DTNB: variants seen among roughly 807,000 people sequenced by gnomAD.
DTNB encodes the protein DTN-B.
In DTNB, 63 loss-of-function variants were observed where a neutral mutation model predicts 90.7. The ratio of observed to expected loss-of-function variants is 0.69; its 90% CI spans 0.57 to 0.86. DTNB has a LOEUF of 0.86. DTNB is among the 40% of genes least tolerant of loss of function. The probability of loss-of-function intolerance (pLI) is 0.00; values close to 1 mark genes in which losing one functional copy is unlikely to be tolerated. For missense variants in DTNB, 744 were observed against 807.1 expected (o/e 0.92, Z 0.95); for synonymous variants, 277 against 286.7 (o/e 0.97, Z 0.34).
intron 1 of DTNB, among the ~76,000 whole-genome samples, chr2:25,671,485 G>A (rs776414119): frequency 7.2e-5 from 11 of 152,196 alleles, no homozygotes; most frequent in Non-Finnish European, 1.0e-4. Context: ...CCTGAAACAG[G>A]AGAAATAAAT....
At chr2:25,643,925 C>A (rs1159663846) in intron 2 of DTNB, among the ~76,000 whole-genome samples, 1 of 152,126 alleles carries the variant, frequency 6.6e-6, no homozygotes. Flanking sequence ...AAACGGGTTG[C>A]AGTAAAGAAG....
intron 1 of DTNB, among the ~76,000 whole-genome samples, chr2:25,662,435 A>C (rs1171604330): frequency 5.3e-5 from 8 of 152,164 alleles, no homozygotes; most frequent in Non-Finnish European, 1.2e-4. Flanking sequence ...CATAAAAAAT[A>C]ATATTATTTC....
intron 16 of DTNB, among the ~76,000 whole-genome samples, chr2:25,402,179 G>A (rs1251033239): frequency 2.6e-5 from 4 of 152,234 alleles, no homozygotes; most frequent in South Asian, 2.1e-4. Context: ...GACGTGAAAC[G>A]AGGGAGAGGT....
At chr2:25,618,392 G>C (rs2071413448) in intron 4 of DTNB, among the ~76,000 whole-genome samples, 1 of 152,090 alleles carries the variant, frequency 6.6e-6, no homozygotes, top group African/African-American at 2.4e-5. Flanking sequence ...GTATACACTG[G>C]TCAAGTTGAA....
intron 7 of DTNB, among the ~76,000 whole-genome samples, chr2:25,578,671 T>A (rs1387327892): frequency 6.6e-6 from 1 of 152,182 alleles, no homozygotes; most frequent in East Asian, 1.9e-4. Flanking sequence ...GGGTCAATTA[T>A]AAATAAGAAA....
intron 9 of DTNB, among the ~76,000 whole-genome samples, chr2:25,515,763 G>A (rs2074982674): frequency 6.6e-6 from 1 of 151,968 alleles, no homozygotes; most frequent in Non-Finnish European, 1.5e-5. Context: ...TTTTAGTAGA[G>A]ATGGGGTTTC....
chr2:25,534,156 CG>C (rs1177974000), intron 8 of DTNB, among the ~76,000 whole-genome samples: 2 of 152,120 alleles, frequency 1.3e-5, no homozygotes, highest in African/African-American at 4.8e-5. Context: ...CTTTGGCCTT[CG>C]GCCCTGTTTG....
intron 9 of DTNB, among the ~76,000 whole-genome samples, chr2:25,531,136 A>G (rs537986): frequency 0.28 from 42,119 of 152,088 alleles, 6,441 homozygotes; most frequent in East Asian, 0.51. Context: ...CATTACTGCT[A>G]TAGAGAAAAA....
In DTNB at chr2:25,424,637, G is replaced by A. The variant is rs1382035046; in HGVS notation, c.1554+2898C>T. On this transcript the variant is annotated intron_variant, in intron 15 of 20. Coordinates refer to ENST00000406818, the MANE Select transcript of DTNB (RefSeq NM_021907.5). The surrounding 1 kb of genome is among the most constrained non-coding windows in gnomAD (Gnocchi z 4.1). Reference sequence around the variant, plus strand: ...TTGAGAACATCTTTCTGAAAAGGGAGATGTGACACAGGGAAGAGGTGAGTG... The same window carrying A: ...TTGAGAACATCTTTCTGAAAAGGGAAATGTGACACAGGGAAGAGGTGAGTG... Among the ~76,000 whole-genome samples, 1 of 151,974 alleles carries A rather than the reference G, an allele frequency of 6.6e-6. No homozygotes were observed. Among genetic ancestry groups the A allele is most frequent in the African/African-American group, 2.4e-5 (1 of 41,366 alleles).
At chr2:25,568,502 A>G (rs1295840139) in intron 8 of DTNB, among the ~76,000 whole-genome samples, 1 of 152,182 alleles carries the variant, frequency 6.6e-6, no homozygotes, top group Admixed American at 6.5e-5. Context: ...ACAATTATAT[A>G]CCCAAAATAC....
chr2:25,466,948 T>A (rs2061895414), intron 10 of DTNB, among the ~76,000 whole-genome samples: 1 of 152,202 alleles, frequency 6.6e-6, no homozygotes, highest in Non-Finnish European at 1.5e-5. Flanking sequence ...AAGAGTTCCG[T>A]CAAAGTGATC....
At chr2:25,443,412 C>T (rs764488697) in intron 12 of DTNB, among the ~76,000 whole-genome samples, 16 of 152,150 alleles carry the variant, frequency 1.1e-4, no homozygotes, top group Non-Finnish European at 1.9e-4. Context: ...AAATAAGACC[C>T]CTTTGAGTCA....
intron 2 of DTNB, among the ~76,000 whole-genome samples, chr2:25,644,919 C>T (rs1559367252): frequency 6.6e-6 from 1 of 152,042 alleles, no homozygotes; most frequent in Non-Finnish European, 1.5e-5. Context: ...ACAAATACAA[C>T]CAAGACCACT....
intron 9 of DTNB, among the ~76,000 whole-genome samples, chr2:25,484,818 A>T (rs2065795983): frequency 6.6e-6 from 1 of 152,198 alleles, no homozygotes. Context: ...CTTCAGACAG[A>T]TATCCAATTA....
chr2:25,669,633 G>T (rs1028666081), intron 1 of DTNB, among the ~76,000 whole-genome samples: 1 of 152,162 alleles, frequency 6.6e-6, no homozygotes. Context: ...TGAAGAATCA[G>T]CATCTAAAGG....
chr2:25,637,057 A>C (rs2077268192), intron 3 of DTNB, among the ~76,000 whole-genome samples: 3 of 152,146 alleles, frequency 2.0e-5, no homozygotes, highest in Admixed American at 1.3e-4. Flanking sequence ...AATAGCACAC[A>C]TCTACAACCA....
At chr2:25,545,165 C>T (rs1289206769) in intron 8 of DTNB, among the ~76,000 whole-genome samples, 1 of 152,194 alleles carries the variant, frequency 6.6e-6, no homozygotes, top group African/African-American at 2.4e-5. Context: ...TTTAACCCCT[C>T]CATTGAGCTT....
chr2:25,545,176 AACTTT>A (rs2151054524), intron 8 of DTNB, among the ~76,000 whole-genome samples: 1 of 152,328 alleles, frequency 6.6e-6, no homozygotes, highest in South Asian at 2.1e-4. Flanking sequence ...CATTGAGCTT[AACTTT>A]AATATTTTTG....
chr2:25,532,415 T>C (rs1230816543), intron 8 of DTNB, among the ~76,000 whole-genome samples: 2 of 152,150 alleles, frequency 1.3e-5, no homozygotes, highest in Non-Finnish European at 2.9e-5. Flanking sequence ...GGTCTGGTTA[T>C]GCAGTCAGAT....
Sources: allele counts gnomAD v4.1 joint callset (sites outside exome capture counted in the v4.1 genomes callset), GRCh38; gene constraint gnomAD v4.1.1; non-coding constraint Gnocchi (gnomAD v3.1); transcripts MANE v1.5; gene names NCBI Gene and HGNC (gene_info 2026-07-23, HGNC 2026-07-21).